The following CCNJL variants were observed in gnomAD, a reference collection of about 807,000 sequenced individuals.
The protein encoded by CCNJL is cyclin J like, also known as cyclin-J-like protein.
In CCNJL, 33 loss-of-function variants were observed where a neutral mutation model predicts 33.4. That is an observed-to-expected ratio of 0.99 (90% CI 0.75 to 1.32). The LOEUF is 1.32. Among genes scored for constraint, CCNJL ranks in the 40% most tolerant of loss-of-function variants. CCNJL has a pLI of 0.00. For missense variants in CCNJL, 512 were observed against 499.7 expected, an observed-to-expected ratio of 1.02 and a Z score of -0.23; for synonymous variants, 227 against 220.9, an observed-to-expected ratio of 1.03 and a Z score of -0.24.
intron 1 of CCNJL, among the ~76,000 whole-genome samples, chr5:160,322,972 C>T (rs528292852): frequency 7.3e-5 from 11 of 150,076 alleles, no homozygotes; most frequent in Admixed American, 3.3e-4. Flanking sequence ...CGGTGGCTCA[C>T]GACTGTAATC....
At chr5:160,338,952 G>A (rs948535816) in intron 1 of CCNJL, among the ~76,000 whole-genome samples, 2 of 151,920 alleles carry the variant, frequency 1.3e-5, no homozygotes, top group Non-Finnish European at 2.9e-5. Context: ...CACCATGCCC[G>A]GCAAATTTTT....
At chr5:160,280,122 C>T (rs1021925434) in intron 3 of CCNJL, among the ~76,000 whole-genome samples, 2 of 152,170 alleles carry the variant, frequency 1.3e-5, no homozygotes, top group Non-Finnish European at 2.9e-5. Flanking sequence ...ACGTTCATAT[C>T]CCCCATACCA....
chr5:160,280,411 G>C lies in CCNJL; in HGVS notation c.280+114C>G, dbSNP rs540334132. The C allele has an allele frequency of 4.5e-5, 37 of 828,124 alleles. No homozygotes were observed. In the East Asian group the frequency reaches 7.3e-4, roughly 16 times the overall value. 51.3% of individuals were successfully genotyped at this position (828,124 alleles called of 1,614,324 possible). A position where few individuals can be genotyped will look rare whatever the true frequency, so the allele number is the denominator to read the frequency against. On this transcript the variant is annotated intron_variant, in intron 3 of 5. Coordinates refer to ENST00000257536, the MANE Select transcript of CCNJL (RefSeq NM_001308173.3). ...TGCTAAAAAACGCTCAGTGAAGGAT[G>C]AACATATAAGACGTGCAAAGATCGT...
intron 2 of CCNJL, among the ~76,000 whole-genome samples, chr5:160,306,144 G>A (rs555058654): frequency 1.8e-4 from 27 of 152,030 alleles, no homozygotes; most frequent in Non-Finnish European, 3.5e-4. Flanking sequence ...TGTGGTGTGC[G>A]CCTGTAATCC....
chr5:160,299,148 T>A (rs931711668), intron 2 of CCNJL, among the ~76,000 whole-genome samples: 2 of 147,032 alleles, frequency 1.4e-5, no homozygotes, highest in Non-Finnish European at 2.9e-5. Flanking sequence ...CTAGCTAATT[T>A]AAAAAAAAAT....
chr5:160,304,814 C>CTT, intron 2 of CCNJL, among the ~76,000 whole-genome samples: 1 of 120,436 alleles, frequency 8.3e-6, no homozygotes, highest in East Asian at 2.1e-4. Context: ...TTGGTCACTA[C>CTT]TTTCTTTCTT....
intron 1 of CCNJL, among the ~76,000 whole-genome samples, chr5:160,326,043 C>T (rs746134042): frequency 3.3e-5 from 5 of 152,172 alleles, no homozygotes; most frequent in African/African-American, 9.7e-5. Flanking sequence ...GGAGCGTGCA[C>T]GTACTCCAGG....
chr5:160,305,065 C>T (rs761922451), intron 2 of CCNJL, among the ~76,000 whole-genome samples: 39 of 152,046 alleles, frequency 2.6e-4, no homozygotes, highest in Non-Finnish European at 5.3e-4. Context: ...CCGCTCATCT[C>T]GGCCTCCCAA....
At chr5:160,254,266 T>C in intron 5 of CCNJL, 2 of 587,488 alleles carry the variant, frequency 3.4e-6, no homozygotes, top group East Asian at 3.0e-5. Context: ...CCCAGCGGGG[T>C]CACTCCTTAG....
At chr5:160,338,289 A>G (rs1050519422) in intron 1 of CCNJL, among the ~76,000 whole-genome samples, 10 of 152,094 alleles carry the variant, frequency 6.6e-5, no homozygotes, top group African/African-American at 2.4e-4. Context: ...AGTCTGAGCT[A>G]TTTGGGAGGC....
At chr5:160,338,930 A>G (rs765234470) in intron 1 of CCNJL, among the ~76,000 whole-genome samples, 1 of 152,092 alleles carries the variant, frequency 6.6e-6, no homozygotes, top group African/African-American at 2.4e-5. Context: ...AGCTGGGATT[A>G]TAGGCACCTG....
chr5:160,298,582 G>C (rs768251029), intron 2 of CCNJL, among the ~76,000 whole-genome samples: 6 of 152,176 alleles, frequency 3.9e-5, no homozygotes, highest in African/African-American at 9.6e-5. Context: ...GCAGAAATAG[G>C]TGTATGATTA....
At chr5:160,338,845 G>T (rs1327245466) in intron 1 of CCNJL, among the ~76,000 whole-genome samples, 1 of 151,988 alleles carries the variant, frequency 6.6e-6, no homozygotes, top group Non-Finnish European at 1.5e-5. Context: ...AGACTGGAGT[G>T]CAGTGGCGCG....
upstream of CCNJL, among the ~76,000 whole-genome samples, chr5:160,314,778 C>T (rs1229188711): frequency 2.6e-5 from 4 of 152,054 alleles, no homozygotes; most frequent in African/African-American, 9.7e-5. Flanking sequence ...GTAGGTATGC[C>T]GTCAGAGAAG....
upstream of CCNJL, chr5:160,315,553 G>A (rs1391215079): frequency 2.2e-5 from 2 of 92,268 alleles, no homozygotes; most frequent in Non-Finnish European, 6.8e-5. Context: ...GTCTTTAAGG[G>A]GATGAATAAA....
intron 2 of CCNJL, among the ~76,000 whole-genome samples, chr5:160,297,541 G>A (rs1762785605): frequency 6.6e-6 from 1 of 151,800 alleles, no homozygotes; most frequent in Non-Finnish European, 1.5e-5. Flanking sequence ...ATGGCTGGGT[G>A]CAGTGGTTCA....
At chr5:160,297,568 A>G (rs1458050236) in intron 2 of CCNJL, among the ~76,000 whole-genome samples, 1 of 150,998 alleles carries the variant, frequency 6.6e-6, no homozygotes, top group Non-Finnish European at 1.5e-5. Flanking sequence ...TAAGCCCAAC[A>G]CTTTAAGAAG....
At position 160,249,903 on chromosome 5, in the gene CCNJL, A is replaced by T. The variant is rs1218687356; in HGVS notation, c.*3475T>A. 1 of 152,202 alleles carries T rather than the reference A, an allele frequency of 6.6e-6. No homozygotes were observed. The highest frequency in any genetic ancestry group is 1.5e-5 in the Non-Finnish European group (1 of 68,034). The allele number at this position is 152,202 out of a possible 1,614,324, so 9.4% of individuals were successfully genotyped here. On this transcript the variant is annotated 3_prime_UTR_variant, in exon 6 of 6. Coordinates refer to ENST00000257536, the MANE Select transcript of CCNJL (RefSeq NM_001308173.3). ...AAGAAATCATATGCCTGAATGACCAAGAAGCTGGCTAAAGTGCAGATTCCA... is the reference window on the plus strand; with the variant it reads ...AAGAAATCATATGCCTGAATGACCATGAAGCTGGCTAAAGTGCAGATTCCA...
In CCNJL at chr5:160,282,603, A is replaced by G. The variant is rs1762252765; in HGVS notation, c.67-1865T>C. 2.0e-5 allele frequency among the ~76,000 whole-genome samples: 3 copies of G among 152,200 alleles called. 1 individual carries two copies. The highest frequency in any genetic ancestry group is 7.2e-5 in the African/African-American group (3 of 41,462). The stretch of plus-strand genomic sequence containing the variant: ...AACATACAAAGAACTCTTACAGCTC[A>G]ACAATAAAAAGGCAAACAACCCAAT... On this transcript the variant is annotated intron_variant, in intron 2 of 5. Transcript: ENST00000257536.
Sources: allele counts gnomAD v4.1 joint callset (sites outside exome capture counted in the v4.1 genomes callset), GRCh38; gene constraint gnomAD v4.1.1; transcripts MANE v1.5; gene names NCBI Gene and HGNC (gene_info 2026-07-23, HGNC 2026-07-21).